The following DNAAF9 variants were observed in gnomAD, a reference collection of about 807,000 sequenced individuals.
DNAAF9 encodes the protein shulin.
Under a neutral mutation model 167.0 loss-of-function variants are expected in DNAAF9, and 90 were observed. The observed-to-expected ratio is 0.54, with a 90% CI of 0.45 to 0.64. The LOEUF (loss-of-function observed/expected upper bound fraction) is 0.64, where lower values mean the gene tolerates loss of function less well. Ranked by LOEUF, DNAAF9 falls within the 30% of genes least tolerant of loss-of-function variation. DNAAF9 has a pLI of 0.00. For synonymous variants in DNAAF9, 491 were observed against 508.8 expected (o/e 0.96, Z 0.47); for missense variants, 1,315 against 1,442.2 (o/e 0.91, Z 1.43).
At chr20:3,382,619 T>C in intron 1 of DNAAF9, 113 bp from the exon 2 acceptor site, 1 of 776,218 alleles carries the variant, frequency 1.3e-6, no homozygotes, top group Admixed American at 2.0e-5. Flanking sequence ...TTGCTGGGGA[T>C]GGAAATTGAT....
chr20:3,348,222 A>G (rs1029363903), intron 8 of DNAAF9, among the ~76,000 whole-genome samples: 4 of 152,056 alleles, frequency 2.6e-5, no homozygotes, highest in African/African-American at 9.7e-5. Flanking sequence ...TATACTGACA[A>G]AGGTGTGCTA....
At chr20:3,258,173 AAAT>A (rs2068315908) in intron 33 of DNAAF9, among the ~76,000 whole-genome samples, 1 of 152,008 alleles carries the variant, frequency 6.6e-6, no homozygotes. Context: ...GCCAAAAAAG[AAAT>A]AAAAAAAAAG....
intron 28 of DNAAF9, among the ~76,000 whole-genome samples, chr20:3,279,608 G>A (rs988938401): frequency 7.9e-5 from 12 of 152,192 alleles, no homozygotes; most frequent in Admixed American, 7.9e-4. Context: ...ACACTAATGG[G>A]GATAGCTGCC....
intron 27 of DNAAF9, among the ~76,000 whole-genome samples, chr20:3,284,918 AG>A (rs2122878377): frequency 6.6e-6 from 1 of 152,092 alleles, no homozygotes; most frequent in East Asian, 1.9e-4. Flanking sequence ...CCACCTGTGT[AG>A]GTTCTTATAT....
At chr20:3,342,213 C>T (rs1600820932) in intron 9 of DNAAF9, among the ~76,000 whole-genome samples, 2 of 152,220 alleles carry the variant, frequency 1.3e-5, no homozygotes, top group East Asian at 3.9e-4. Flanking sequence ...TCTCTGATGT[C>T]CCTTATGTTC....
intron 1 of DNAAF9, among the ~76,000 whole-genome samples, chr20:3,393,454 A>G (rs2083856089): frequency 1.3e-5 from 2 of 152,046 alleles, no homozygotes; most frequent in South Asian, 4.1e-4. Context: ...TGAGGCTGCA[A>G]TGAGCCGAGA....
At chr20:3,321,294 C>A (rs1568603058) in intron 16 of DNAAF9, among the ~76,000 whole-genome samples, 1 of 152,134 alleles carries the variant, frequency 6.6e-6, no homozygotes, top group Non-Finnish European at 1.5e-5. Context: ...TGTACTTAAA[C>A]CTAGATGGTG....
chr20:3,283,950 A>C (rs2068805605), intron 27 of DNAAF9, among the ~76,000 whole-genome samples: 2 of 152,122 alleles, frequency 1.3e-5, no homozygotes, highest in Admixed American at 1.3e-4. Context: ...ACTTTAATGG[A>C]AAAAGGTTAG....
chr20:3,343,031 ATTTC>A (rs750283496), intron 9 of DNAAF9, among the ~76,000 whole-genome samples: 74,168 of 150,856 alleles, frequency 0.49, 18,248 homozygotes, highest in Middle Eastern at 0.65. Context: ...TCTGATGATT[ATTTC>A]TATTGCTGTG....
chr20:3,269,208 CTT>C (rs758519001), intron 30 of DNAAF9, among the ~76,000 whole-genome samples: 69 of 137,836 alleles, frequency 5.0e-4, no homozygotes, highest in East Asian at 4.3e-4. Flanking sequence ...CACCCGGCCA[CTT>C]TTTTTTTTTT....
chr20:3,326,245 A>C lies in DNAAF9; in HGVS notation c.1140T>G (p.Ala380=), dbSNP rs368546041. ...CATAACATGCAATGCCAGCCAAAAC[A>C]GCCTCAATAACAGCAGCATATATCT... ...LSQIYAAVIE[A]VLAGIACYAK... is the part of the protein sequence containing the mutation. The change falls in exon 13 of 37, where the codon GCT becomes GCG. Residue 380 remains alanine (A), a synonymous_variant. Coordinates refer to ENST00000252032, the MANE Select transcript of DNAAF9 (RefSeq NM_001009984.3). The C allele has an allele frequency of 1.5e-5, 24 of 1,613,784 alleles. No homozygotes were observed. The African/African-American group carries it at 2.7e-4, about 18-fold the overall frequency.
intron 20 of DNAAF9, among the ~76,000 whole-genome samples, chr20:3,305,151 T>A (rs2069268289): frequency 6.6e-6 from 1 of 152,140 alleles, no homozygotes; most frequent in African/African-American, 2.4e-5. Flanking sequence ...AGGATTCAGG[T>A]CTAAGGAGAG....
chr20:3,306,222 T>A (rs1042181472), intron 20 of DNAAF9, among the ~76,000 whole-genome samples: 12 of 152,210 alleles, frequency 7.9e-5, no homozygotes, highest in Non-Finnish European at 1.3e-4. Context: ...AACTACTCTC[T>A]GACTCCAGCA....
intron 22 of DNAAF9, among the ~76,000 whole-genome samples, chr20:3,297,368 A>G (rs1182819599): frequency 6.6e-6 from 1 of 152,192 alleles, no homozygotes; most frequent in Non-Finnish European, 1.5e-5. Flanking sequence ...AAAAAGGTCC[A>G]GCAAAGGTGG....
At chr20:3,275,767 T>A (rs2068666362) in intron 29 of DNAAF9, among the ~76,000 whole-genome samples, 2 of 152,186 alleles carry the variant, frequency 1.3e-5, no homozygotes, top group African/African-American at 4.8e-5. Context: ...ACAGCCAGAT[T>A]TGGCCAAGGT....
intron 11 of DNAAF9, among the ~76,000 whole-genome samples, chr20:3,331,143 C>T (rs1020858041): frequency 1.3e-5 from 2 of 152,144 alleles, no homozygotes; most frequent in East Asian, 1.9e-4. Context: ...CAGTGGAACC[C>T]GGCCATTCCC....
intron 31 of DNAAF9, 47 bp downstream of exon 31, chr20:3,264,391 T>C (rs370775927): frequency 1.1e-4 from 91 of 846,990 alleles, no homozygotes; most frequent in Non-Finnish European, 1.7e-4. Flanking sequence ...AAATAAATCA[T>C]TGGGTTTACA....
At chr20:3,388,919 A>G (rs1600909895) in intron 1 of DNAAF9, among the ~76,000 whole-genome samples, 2 of 152,278 alleles carry the variant, frequency 1.3e-5, no homozygotes, top group Admixed American at 1.3e-4. Flanking sequence ...AGAATTGTAC[A>G]CTTAGAAGTA....
chr20:3,338,518 G>A (rs975517345), intron 10 of DNAAF9, among the ~76,000 whole-genome samples: 3 of 151,972 alleles, frequency 2.0e-5, no homozygotes, highest in Non-Finnish European at 4.4e-5. Flanking sequence ...TTGTGTCTTT[G>A]TCATGAATTT....
Sources: allele counts gnomAD v4.1 joint callset (sites outside exome capture counted in the v4.1 genomes callset), GRCh38; gene constraint gnomAD v4.1.1; transcripts MANE v1.5; gene names NCBI Gene and HGNC (gene_info 2026-07-23, HGNC 2026-07-21).